The following FLII variants were observed in gnomAD, a reference collection of about 807,000 sequenced individuals.
FLII encodes protein flightless-1 homolog.
Under a neutral mutation model 156.2 loss-of-function variants are expected in FLII, and 101 were observed. The observed-to-expected ratio is 0.65, with a 90% CI of 0.55 to 0.76. The LOEUF (loss-of-function observed/expected upper bound fraction) is 0.76. Among genes scored for constraint, FLII ranks in the 30% least tolerant of loss-of-function variants. The probability of loss-of-function intolerance (pLI) is 0.00; values close to 1 mark genes in which losing one functional copy is unlikely to be tolerated. For synonymous variants in FLII, 767 were observed against 685.8 expected (o/e 1.12, Z -1.85); for missense variants, 1,675 against 1,682.8 (o/e 1.00, Z 0.08).
Position 18,246,231 on chromosome 17 carries a change from G to T in FLII, c.3207-9C>A. 6.2e-7 allele frequency: 1 copy of T among 1,614,052 alleles called. No homozygotes were observed. The highest frequency in any genetic ancestry group is 1.1e-5 in the South Asian group (1 of 91,074). On this transcript the variant is annotated splice_polypyrimidine_tract_variant and intron_variant, in intron 24 of 29. Transcript: ENST00000327031. ...TGTTGATCTGGATGCACCTGTGGAA[G>T]GGATGGGGCATCAGCAAGGATTCAG... is the stretch of plus-strand genomic sequence containing the variant.
chr17:18,255,789 C>T (rs2048399096), intron 3 of FLII, among the ~76,000 whole-genome samples: 1 of 152,260 alleles, frequency 6.6e-6, no homozygotes, highest in African/African-American at 2.4e-5. Flanking sequence ...GCCACTTCTC[C>T]AGTCTGAATG....
At chr17:18,248,470 A>T in intron 18 of FLII, 80 bp downstream of exon 18, 1 of 1,395,764 alleles carries the variant, frequency 7.2e-7, no homozygotes, top group Non-Finnish European at 9.7e-7. Context: ...CCCAAAGCCA[A>T]CTACATCGGT....
Position 18,251,328 on chromosome 17 carries a change from A to G in FLII, c.1533T>C (p.Pro511=), listed in dbSNP as rs757880948. Residue 511 remains proline, a synonymous_variant, in exon 13 of 30, where the codon CCT becomes CCC. Coordinates refer to ENST00000327031, the MANE Select transcript of FLII (RefSeq NM_002018.4). ...CGTGGAAGGCTTCCTCCACCAGCAC[A>G]GGCACGAAGTTCTCTATCTGCCAGA... The part of the protein sequence containing the change: ...LTIWQIENFV[P]VLVEEAFHGK... The G allele has an allele frequency of 3.1e-6, 5 of 1,613,960 alleles. 1 individual carries two copies. In the South Asian group the frequency reaches 5.5e-5, roughly 18 times the overall value.
At position 18,258,503 on chromosome 17, in the gene FLII, G is replaced by A; in HGVS notation, c.63+125C>T. On this transcript the variant is annotated intron_variant, in intron 1 of 29. Transcript: ENST00000327031. This position sits in a 1 kb window ranked among gnomAD's most constrained non-coding sequence, Gnocchi z 4.2. ...CCTGGCCAGGGGAGAGCCCCACCCC[G>A]CCCCGGCCGCAGTCCCTGGGACACG... The A allele has an allele frequency of 1.3e-6, 2 of 1,504,920 alleles. No homozygotes were observed. Among genetic ancestry groups the A allele is most frequent in the Non-Finnish European group, 1.8e-6 (2 of 1,133,402 alleles). The allele number at this position is 1,504,920 out of a possible 1,614,324, so 93.2% of individuals were successfully genotyped here. A position where few individuals can be genotyped will look rare whatever the true frequency, so the allele number is the denominator to read the frequency against.
At position 18,250,897 on chromosome 17, in the gene FLII, C is replaced by G. The variant is rs2048243313; in HGVS notation, c.1717G>C (p.Gly573Arg). ...TCCCGGACAGTGCGGCACTCAGCAC[C>G]CAGGTAGTTGCGCAAGTTGACAGCG... is the stretch of plus-strand genomic sequence containing the variant. ...IHAVNLRNYLGAECRTVREEM... is the reference protein window; with the variant it reads ...IHAVNLRNYLRAECRTVREEM... The change falls in exon 14 of 30, where the codon GGT becomes CGT. Residue 573 changes from glycine (G) to arginine (R), a missense_variant. Coordinates refer to ENST00000327031, the MANE Select transcript of FLII (RefSeq NM_002018.4). The G allele has an allele frequency of 1.9e-6, 3 of 1,614,046 alleles. No homozygotes were observed. In the East Asian group the frequency reaches 6.7e-5, roughly 36 times the overall value.
chr17:18,249,725 G>A (rs1461939388), intron 14 of FLII, among the ~76,000 whole-genome samples: 2 of 151,972 alleles, frequency 1.3e-5, no homozygotes, highest in Admixed American at 6.6e-5. Flanking sequence ...GGGAGGCGGA[G>A]GTTGCAGTGA....
chr17:18,247,104 T>A (rs777921181), intron 21 of FLII, 52 bp from the exon 22 acceptor site: 2 of 1,576,246 alleles, frequency 1.3e-6, no homozygotes, highest in Non-Finnish European at 1.7e-6. Flanking sequence ...GCTCTGCGCA[T>A]AGGCCCCGCC....
At chr17:18,252,633 G>A (rs1597915730) in intron 9 of FLII, 77 bp from the exon 10 acceptor site, 1 of 1,164,628 alleles carries the variant, frequency 8.6e-7, no homozygotes, top group East Asian at 2.3e-5. Flanking sequence ...CCTAGTCCTG[G>A]GGAGGGGAGG....
In FLII at chr17:18,256,921, G is replaced by A. The variant is rs1347495516; in HGVS notation, c.162C>T (p.Ala54=). 5 of 1,607,986 alleles carry A rather than the reference G, an allele frequency of 3.1e-6. No individual in the cohort carries two copies. The Admixed American group carries it at 8.4e-5, about 27-fold the overall frequency. The change falls in exon 2 of 30, where the codon GCC becomes GCT. Residue 54 remains alanine (A), a synonymous_variant. Transcript: ENST00000327031. ...GLCYLPEELA[A]LQKLEHLSVS... ...CAAACCCCCTTACCAGCTTCTGCAG[G>A]GCGGCCAGCTCCTCGGGCAGGTAGC...
rs1256666602 is a variant in FLII at position 18,257,014 on chromosome 17, G to GACAT, written c.68_69insATGT (p.Tyr24CysfsTer5). 6.2e-7 allele frequency: 1 copy of GACAT among 1,601,054 alleles called. No individual in the cohort carries two copies. The highest frequency in any genetic ancestry group is 8.5e-7 in the Non-Finnish European group (1 of 1,173,106). ...TGGCCTTGACATTCTCAGGGAAGTAGCCGCCCTGGGGGAAGGATGTCAAGG... is the reference window on the plus strand; with the variant it reads ...TGGCCTTGACATTCTCAGGGAAGTAGACATCCGCCCTGGGGGAAGGATGTCAAGG... On this transcript the variant is annotated frameshift_variant, in exon 2 of 30. Coordinates refer to ENST00000327031, the MANE Select transcript of FLII (RefSeq NM_002018.4). LOFTEE classifies it high-confidence loss of function.
In FLII at chr17:18,253,682, G is replaced by A. The variant is rs756232270; in HGVS notation, c.717C>T (p.Pro239=). ...GGCTGGGGAGGGTGTACAGACACTC[G>A]GGCACCCGTGTCAGGTCATTGCAGG... ...DLSCNDLTRV[P]ECLYTLPSLR... The change falls in exon 8 of 30, where the codon CCC becomes CCT. Residue 239 remains proline, a synonymous_variant. Transcript: ENST00000327031. The A allele has an allele frequency of 2.1e-5, 34 of 1,613,170 alleles. No individual in the cohort carries two copies. The highest frequency in any genetic ancestry group is 8.0e-5 in the African/African-American group (6 of 74,884).
At position 18,253,306 on chromosome 17, in the gene FLII, G is replaced by T; in HGVS notation, c.1008C>A (p.Leu336=). 1 of 1,613,840 alleles carries T rather than the reference G, an allele frequency of 6.2e-7. No individual in the cohort carries two copies. The change falls in exon 9 of 30, where the codon CTC becomes CTA. Residue 336 remains leucine (L), a synonymous_variant. Coordinates refer to ENST00000327031, the MANE Select transcript of FLII (RefSeq NM_002018.4). ...NNNLELVPES[L]CRCPKLRKLV... ...GCCCCAGCCCTGCCCAGCACCTGCAGAGACTTTCAGGGACCAGCTCCAGGT... is the reference window on the plus strand; with the variant it reads ...GCCCCAGCCCTGCCCAGCACCTGCATAGACTTTCAGGGACCAGCTCCAGGT...
At chr17:18,247,122 T>TGGG in intron 21 of FLII, 47 bp downstream of exon 21, 13 of 1,011,218 alleles carry the variant, frequency 1.3e-5, no homozygotes, top group South Asian at 1.6e-5. Flanking sequence ...GCCCTCGGCC[T>TGGG]GCCCCCCACC....
At position 18,247,220 on chromosome 17, in the gene FLII, A is replaced by T. The variant is rs769354178; in HGVS notation, c.2625T>A (p.Ala875=). The stretch of plus-strand genomic sequence containing the variant: ...GCGGCAGGAAAAGCGCAGTGAGGTC[A>T]GCCTTCATCTGGTCTTTCTTCTCGG... ...RDAEKKDQMK[A]DLTALFLPRQ... The change falls in exon 21 of 30, where the codon GCT becomes GCA. Residue 875 remains alanine, a synonymous_variant. Transcript: ENST00000327031. 1.3e-6 allele frequency: 2 copies of T among 1,584,702 alleles called. No homozygotes were observed. The highest frequency in any genetic ancestry group is 1.7e-6 in the Non-Finnish European group (2 of 1,171,828).
At chr17:18,254,718 C>T in intron 5 of FLII, 36 bp from the exon 6 acceptor site, 5 of 1,613,770 alleles carry the variant, frequency 3.1e-6, no homozygotes, top group Non-Finnish European at 4.2e-6. Context: ...TGAGTCAGCA[C>T]CAGCCACCCC....
rs768015316 is a variant in FLII at position 18,246,456 on chromosome 17, G to A, written c.3058C>T (p.Arg1020Cys). ...GGGTTCTCCTGCTGCTGCGTCATGC[G>A]TACCACCTGGGGATGTGGAAGTGTT... ...SLFPGKLEVV[R>C]MTQQQENPKF... is the part of the protein sequence containing the mutation. Residue 1020 changes from arginine to cysteine, a missense_variant, in exon 24 of 30, where the codon CGC (arginine) becomes TGC (cysteine). Arg to Cys is a radical substitution (Grantham distance 180). Coordinates refer to ENST00000327031, the MANE Select transcript of FLII (RefSeq NM_002018.4). 14 of 1,613,782 alleles carry A rather than the reference G, an allele frequency of 8.7e-6. No homozygotes were observed. Among genetic ancestry groups the A allele is most frequent in the East Asian group, 2.2e-5 (1 of 44,886 alleles).
At position 18,247,130 on chromosome 17, in the gene FLII, A is replaced by ACC. The variant is rs745534381; in HGVS notation, c.2676+37_2676+38dup. ...AGGCCCCGCCCTCGGCCTGCCCCCC[A>ACC]CCCCCCCCCCCGCGCCCCGGTCCCG... On this transcript the variant is annotated intron_variant, in intron 21 of 29. Coordinates refer to ENST00000327031, the MANE Select transcript of FLII (RefSeq NM_002018.4). 5,606 of 955,388 alleles carry ACC rather than the reference A, an allele frequency of 5.9e-3. 6 individuals carry two copies. Among genetic ancestry groups the ACC allele is most frequent in the Non-Finnish European group, 6.9e-3 (4,899 of 712,724 alleles). 59.2% of individuals were successfully genotyped at this position (955,388 alleles called of 1,614,324 possible). A position where few individuals can be genotyped will look rare whatever the true frequency, so the allele number is the denominator to read the frequency against.
chr17:18,256,688 G>A, intron 2 of FLII, 91 bp from the exon 3 acceptor site: 1 of 1,208,996 alleles, frequency 8.3e-7, no homozygotes, highest in Non-Finnish European at 1.2e-6. Flanking sequence ...ATCCAGGAAG[G>A]CCTCAGCCAC....
intron 18 of FLII, among the ~76,000 whole-genome samples, chr17:18,248,293 GAGCCAAGGTTCCC>G: frequency 6.6e-6 from 1 of 152,188 alleles, no homozygotes; most frequent in African/African-American, 2.4e-5. Flanking sequence ...CTAGATAATT[GAGCCAAGGTTCCC>G]AGCCCTGGCA....
Sources: gnomAD v4.1 joint callset for allele counts (sites outside exome capture counted in the v4.1 genomes callset) on GRCh38, gnomAD v4.1.1 for gene constraint, Gnocchi (gnomAD v3.1) non-coding constraint, MANE v1.5 for transcripts, NCBI Gene and HGNC (gene_info 2026-07-23, HGNC 2026-07-21) for gene names.